Variants in CSMD1 observed in about 807,000 individuals in gnomAD.
CSMD1 encodes the protein CUB and sushi domain-containing protein 1.
CSMD1 carries 213 observed loss-of-function variants against 417.5 expected under a neutral mutation model. The ratio of observed to expected loss-of-function variants is 0.51; its 90% CI spans 0.46 to 0.57. The LOEUF (loss-of-function observed/expected upper bound fraction) is 0.57. Ranked by LOEUF, CSMD1 falls within the 20% of genes least tolerant of loss-of-function variation. The probability of loss-of-function intolerance (pLI) is 0.00; values close to 1 mark genes in which losing one functional copy is unlikely to be tolerated. For missense variants in CSMD1, 6,923 were observed against 4,529.7 expected (o/e 1.53, Z -15.17); for synonymous variants, 2,862 against 1,736.8 (o/e 1.65, Z -16.11).
chr8:3,295,232 C>G (rs768086218), intron 25 of CSMD1, among the ~76,000 whole-genome samples: 11 of 152,042 alleles, frequency 7.2e-5, no homozygotes, highest in Non-Finnish European at 1.2e-4. Flanking sequence ...TCATGCCATT[C>G]TCCTGCCTCA....
At chr8:3,919,959 G>T (rs1253170595) in intron 5 of CSMD1, among the ~76,000 whole-genome samples, 2 of 151,752 alleles carry the variant, frequency 1.3e-5, no homozygotes, top group Non-Finnish European at 2.9e-5. Context: ...ACTGAGTCTT[G>T]TATTTTTAGT....
intron 26 of CSMD1, among the ~76,000 whole-genome samples, chr8:3,258,799 G>A (rs1215255136): frequency 1.3e-5 from 2 of 152,214 alleles, no homozygotes; most frequent in East Asian, 3.8e-4. Context: ...CAGGAACATG[G>A]ATGGAGCTGG....
At chr8:3,884,743 C>A (rs771149628) in intron 5 of CSMD1, among the ~76,000 whole-genome samples, 2 of 151,970 alleles carry the variant, frequency 1.3e-5, no homozygotes, top group African/African-American at 2.4e-5. Flanking sequence ...TGTATAAAAC[C>A]TGTGAGTAAA....
At chr8:4,816,826 G>C (rs575066483) in intron 1 of CSMD1, among the ~76,000 whole-genome samples, 29 of 152,244 alleles carry the variant, frequency 1.9e-4, no homozygotes, top group African/African-American at 7.0e-4. Context: ...AGAACTGAGA[G>C]ACTTGGCAAT....
At chr8:4,342,173 T>G (rs1183495872) in intron 3 of CSMD1, among the ~76,000 whole-genome samples, 2 of 151,778 alleles carry the variant, frequency 1.3e-5, no homozygotes, top group African/African-American at 4.8e-5. Flanking sequence ...CATTCTTACT[T>G]CCCTTATGCA....
intron 3 of CSMD1, among the ~76,000 whole-genome samples, chr8:4,136,694 A>G (rs1803457329): frequency 6.6e-6 from 1 of 152,184 alleles, no homozygotes; most frequent in African/African-American, 2.4e-5. Context: ...GAGTCTTCAG[A>G]GACTACGTAA....
Position 4,447,102 on chromosome 8 carries a change from G to T in CSMD1, c.303-27037C>A, listed in dbSNP as rs1236315698. Among the ~76,000 whole-genome samples the T allele has an allele frequency of 4.6e-5, 7 of 152,172 alleles. No homozygotes were observed. In the South Asian group the frequency reaches 1.0e-3, roughly 23 times the overall value. ...TATGACAGCGTCTCTTTGGGAAAAG[G>T]TACTTACTTAAATGTACATTTGCAA... is the stretch of plus-strand genomic sequence containing the variant. On this transcript the variant is annotated intron_variant, in intron 2 of 69. Coordinates refer to ENST00000635120, the MANE Select transcript of CSMD1 (RefSeq NM_033225.6).
chr8:4,068,009 G>A lies in CSMD1; in HGVS notation c.416-35910C>T, dbSNP rs577167903. ...GGAGAATCACCTGAACCCTGAGTGG[G>A]GGCGAAGGTTGCAGTGAGCCGAGAT... On this transcript the variant is annotated intron_variant, in intron 3 of 69. Coordinates refer to ENST00000635120, the MANE Select transcript of CSMD1 (RefSeq NM_033225.6). 3.4e-3 allele frequency among the ~76,000 whole-genome samples: 515 copies of A among 152,078 alleles called. 6 individuals are homozygous for A. The highest frequency in any genetic ancestry group is 0.012 in the African/African-American group (500 of 41,470).
At chr8:3,968,600 C>T (rs2627465) in intron 5 of CSMD1, among the ~76,000 whole-genome samples, 26,647 of 152,084 alleles carry the variant, frequency 0.18, 2,447 homozygotes, top group African/African-American at 0.23. Flanking sequence ...ATGGAATATT[C>T]GCTAAGGAAG....
At chr8:4,391,661 G>A (rs752024006) in intron 3 of CSMD1, among the ~76,000 whole-genome samples, 1 of 152,052 alleles carries the variant, frequency 6.6e-6, no homozygotes, top group Non-Finnish European at 1.5e-5. Context: ...TGAGAAGTGG[G>A]AAGACGGCTT....
At chr8:3,670,062 G>A (rs564195867) in intron 7 of CSMD1, among the ~76,000 whole-genome samples, 1 of 152,112 alleles carries the variant, frequency 6.6e-6, no homozygotes, top group Admixed American at 6.6e-5. Context: ...ATTTGTGATG[G>A]TTAATACTGA....
rs370172999 is a variant in CSMD1 at position 4,383,500 on chromosome 8, C to A, written c.415+36453G>T. ...GTGATCTGTCGTCTGTAATTTTATT[C>A]CAGGACACCAACAAGCCCTGGCTAT... On this transcript the variant is annotated intron_variant, in intron 3 of 69. Coordinates refer to ENST00000635120, the MANE Select transcript of CSMD1 (RefSeq NM_033225.6). Among the ~76,000 whole-genome samples the A allele has an allele frequency of 3.9e-5, 6 of 152,254 alleles. No homozygotes were observed. In the East Asian group the frequency reaches 1.2e-3, roughly 29 times the overall value.
Position 4,528,052 on chromosome 8 carries a change from G to C in CSMD1, c.303-107987C>G, listed in dbSNP as rs1363974396. Among the ~76,000 whole-genome samples the C allele has an allele frequency of 3.9e-5, 6 of 152,296 alleles. No individual in the cohort carries two copies. In the South Asian group the frequency reaches 6.2e-4, roughly 16 times the overall value. ...TTTGGAAAACATGCATCAAAGCCTA[G>C]AGCCTTTCCCACCACATTCAGCAGC... On this transcript the variant is annotated intron_variant, in intron 2 of 69. Coordinates refer to ENST00000635120, the MANE Select transcript of CSMD1 (RefSeq NM_033225.6).
intron 3 of CSMD1, among the ~76,000 whole-genome samples, chr8:4,371,118 C>A (rs200998060): frequency 6.6e-6 from 1 of 152,138 alleles, no homozygotes; most frequent in Admixed American, 6.5e-5. Flanking sequence ...GTCTTTATTG[C>A]CCTTGAGAGT....
chr8:4,556,391 T>C (rs1049556847), intron 2 of CSMD1, among the ~76,000 whole-genome samples: 7 of 152,124 alleles, frequency 4.6e-5, no homozygotes, highest in African/African-American at 1.4e-4. Flanking sequence ...TTTAAGAGCA[T>C]TGTAAGCTGG....
rs73657890 is a variant in CSMD1, at chr8:3,419,720, A to C, written c.1562-10115T>G. Reference sequence around the variant, plus strand: ...ACCTACAACGTTCTAATCAAATACCAAATAGCCAACATGTCAAGAAAAAAA... The same window carrying C: ...ACCTACAACGTTCTAATCAAATACCCAATAGCCAACATGTCAAGAAAAAAA... On this transcript the variant is annotated intron_variant, in intron 12 of 69. Coordinates refer to ENST00000635120, the MANE Select transcript of CSMD1 (RefSeq NM_033225.6). Among the ~76,000 whole-genome samples, 602 of 152,358 alleles carry C rather than the reference A, an allele frequency of 4.0e-3. 3 individuals carry two copies. The highest frequency in any genetic ancestry group is 0.013 in the African/African-American group (557 of 41,580).
chr8:4,072,547 T>C (rs956154342), intron 3 of CSMD1, among the ~76,000 whole-genome samples: 1 of 152,188 alleles, frequency 6.6e-6, no homozygotes, highest in African/African-American at 2.4e-5. Context: ...GTTTTAAGTA[T>C]TGTGCATATT....
intron 3 of CSMD1, among the ~76,000 whole-genome samples, chr8:4,062,491 CAAT>C (rs2130743580): frequency 6.6e-6 from 1 of 152,198 alleles, no homozygotes; most frequent in Non-Finnish European, 1.5e-5. Flanking sequence ...AATAAATAAA[CAAT>C]AACCATTCTA....
chr8:3,448,739 C>A (rs1815496177), intron 12 of CSMD1, among the ~76,000 whole-genome samples: 1 of 152,108 alleles, frequency 6.6e-6, no homozygotes, highest in African/African-American at 2.4e-5. Context: ...CTGCACACCA[C>A]AGAGGGATGC....
Sources: gnomAD v4.1 joint callset for allele counts (sites outside exome capture counted in the v4.1 genomes callset) on GRCh38, gnomAD v4.1.1 for gene constraint, MANE v1.5 for transcripts, NCBI Gene and HGNC (gene_info 2026-07-23, HGNC 2026-07-21) for gene names.